FRMPD4: variants seen among roughly 807,000 people sequenced by gnomAD.
FRMPD4 encodes FERM and PDZ domain containing 4, also known as FERM and PDZ domain-containing protein 4.
A neutral mutation model predicts 94.1 loss-of-function variants in FRMPD4; 22 were observed. The ratio of observed to expected loss-of-function variants is 0.23; its 90% CI spans 0.17 to 0.33. The LOEUF (loss-of-function observed/expected upper bound fraction) is 0.33, where lower values mean the gene tolerates loss of function less well. FRMPD4 is among the 10% of genes least tolerant of loss of function. FRMPD4 has a pLI of 1.00. For missense variants in FRMPD4, 1,111 were observed against 1,339.9 expected, an observed-to-expected ratio of 0.83 and a Z score of 2.67; for synonymous variants, 631 against 548.6, an observed-to-expected ratio of 1.15 and a Z score of -2.10.
At chrX:12,700,203 G>T (rs2060175077) in intron 9 of FRMPD4, among the ~76,000 whole-genome samples, 2 of 111,812 alleles carry the variant, frequency 1.8e-5, no homozygotes, top group African/African-American at 3.2e-5. Flanking sequence ...AAACAGGAGG[G>T]CAGGAGAAGG....
chrX:12,520,629 C>T (rs2058152193), intron 2 of FRMPD4, among the ~76,000 whole-genome samples: 1 of 112,036 alleles, frequency 8.9e-6, no homozygotes, highest in Non-Finnish European at 1.9e-5. Flanking sequence ...GCTCTCTTCA[C>T]TTTGCCTTAC....
chrX:12,076,102 C>T (rs1970491276), intron 3 of FRMPD4, among the ~76,000 whole-genome samples: 1 of 111,521 alleles, frequency 9.0e-6, no homozygotes, highest in South Asian at 3.8e-4. Flanking sequence ...GGAATAGACA[C>T]TTGGGGTAGA....
At chrX:12,485,866 G>A (rs751906476) in intron 1 of FRMPD4, among the ~76,000 whole-genome samples, 5 of 109,492 alleles carry the variant, frequency 4.6e-5, no homozygotes, top group Non-Finnish European at 7.6e-5. Context: ...CCAAGATGGC[G>A]CCATTGCACT....
chrX:12,313,012 G>C, intron 1 of FRMPD4, among the ~76,000 whole-genome samples: 1 of 111,639 alleles, frequency 9.0e-6, no homozygotes, highest in Non-Finnish European at 1.9e-5. Flanking sequence ...TCATCCAGTA[G>C]ACCATGTCTC....
intron 3 of FRMPD4, among the ~76,000 whole-genome samples, chrX:11,947,141 G>A (rs753291974): frequency 9.0e-6 from 1 of 111,714 alleles, no homozygotes; most frequent in African/African-American, 3.2e-5. Flanking sequence ...TGGATTTGGG[G>A]GATTTTTGTT....
intron 1 of FRMPD4, among the ~76,000 whole-genome samples, chrX:12,139,558 G>A (rs867168950): frequency 2.8e-5 from 3 of 107,928 alleles, no homozygotes; most frequent in African/African-American, 1.0e-4. Flanking sequence ...TTTTGGGGGG[G>A]GGGTAACTAT....
At chrX:12,702,449 C>A (rs1305029615) in intron 10 of FRMPD4, among the ~76,000 whole-genome samples, 1 of 111,871 alleles carries the variant, frequency 8.9e-6, no homozygotes, top group Non-Finnish European at 1.9e-5. Context: ...GGCAGTGGGA[C>A]TCCCCGTTGT....
At chrX:12,207,159 A>G (rs1431543547) in intron 1 of FRMPD4, among the ~76,000 whole-genome samples, 2 of 112,012 alleles carry the variant, frequency 1.8e-5, no homozygotes, top group Non-Finnish European at 3.8e-5. Flanking sequence ...GGAGAGAGCT[A>G]TACCTTGTAG....
chrX:11,845,947 G>T (rs2053573821), intron 1 of FRMPD4, among the ~76,000 whole-genome samples: 1 of 106,374 alleles, frequency 9.4e-6, no homozygotes, highest in Non-Finnish European at 1.9e-5. Context: ...AAAACTGGAA[G>T]CATTCCCTAT....
chrX:12,030,116 C>A (rs185583296), intron 3 of FRMPD4, among the ~76,000 whole-genome samples: 41 of 112,264 alleles, frequency 3.7e-4, no homozygotes, highest in African/African-American at 1.3e-3. Context: ...ACGCTAAAAA[C>A]CAGTCTAACT....
At chrX:12,463,482 G>A (rs146355891) in intron 1 of FRMPD4, among the ~76,000 whole-genome samples, 1 of 111,227 alleles carries the variant, frequency 9.0e-6, no homozygotes, top group East Asian at 2.8e-4. Context: ...GAATATAAAG[G>A]TTATGCAATT....
rs1183441693 is a variant in FRMPD4 at position 12,718,497 on chromosome X, C to T, written c.3671C>T (p.Thr1224Ile). 3.3e-6 allele frequency: 4 copies of T among 1,204,552 alleles called. No homozygotes were observed. Among genetic ancestry groups the T allele is most frequent in the Non-Finnish European group, 4.5e-6 (4 of 890,064 alleles). Residue 1224 changes from threonine (T) to isoleucine (I), a missense_variant, in exon 16 of 17, where the codon ACA becomes ATA. Coordinates refer to ENST00000675598, the MANE Select transcript of FRMPD4 (RefSeq NM_001368397.1). Reference sequence around the variant, plus strand: ...TCTTCAGTGGATGCAGGCTGTGGCACAGGCAGCAGTGGCAGTGCCTGTGCC... The same window carrying T: ...TCTTCAGTGGATGCAGGCTGTGGCATAGGCAGCAGTGGCAGTGCCTGTGCC... ...QGSSVDAGCG[T>I]GSSGSACATP...
intron 3 of FRMPD4, among the ~76,000 whole-genome samples, chrX:11,893,520 C>T (rs2053886190): frequency 1.8e-5 from 2 of 111,870 alleles, no homozygotes; most frequent in Non-Finnish European, 3.8e-5. Flanking sequence ...GAAAATGTAT[C>T]TTGGCTATAA....
intron 2 of FRMPD4, among the ~76,000 whole-genome samples, chrX:12,546,077 T>C (rs2058472001): frequency 8.9e-6 from 1 of 112,456 alleles, no homozygotes; most frequent in African/African-American, 3.2e-5. Flanking sequence ...GTTGTCCAAA[T>C]TTTGGCATAT....
intron 1 of FRMPD4, among the ~76,000 whole-genome samples, chrX:12,155,581 CAAAAAAAAAAAA>C (rs60727413): frequency 4.1e-4 from 9 of 21,911 alleles, no homozygotes; most frequent in Non-Finnish European, 7.6e-4. Context: ...CATATCCTCA[CAAAAAAAAAAAA>C]AAAAAAAAAA....
At chrX:11,881,065 C>A (rs935708497) in intron 3 of FRMPD4, among the ~76,000 whole-genome samples, 1 of 112,299 alleles carries the variant, frequency 8.9e-6, no homozygotes, top group African/African-American at 3.2e-5. Context: ...AAGATGAAGA[C>A]AAAGTTACAA....
chrX:12,247,085 A>T (rs945852604), intron 1 of FRMPD4, among the ~76,000 whole-genome samples: 1 of 111,487 alleles, frequency 9.0e-6, no homozygotes, highest in Non-Finnish European at 1.9e-5. Flanking sequence ...CCTTATTTCT[A>T]GAGCAAGGAT....
intron 1 of FRMPD4, among the ~76,000 whole-genome samples, chrX:12,438,956 C>A (rs2057102017): frequency 9.0e-6 from 1 of 111,077 alleles, no homozygotes; most frequent in Admixed American, 9.5e-5. Context: ...CACGTGTCTT[C>A]CGAGCAGAGG....
chrX:12,679,308 G>GT (rs201195935), intron 5 of FRMPD4, among the ~76,000 whole-genome samples: 12 of 111,518 alleles, frequency 1.1e-4, no homozygotes, highest in Non-Finnish European at 1.5e-4. Context: ...GGAAAAAGAA[G>GT]TTTTTTTTAT....
Sources: gnomAD v4.1 joint callset for allele counts (sites outside exome capture counted in the v4.1 genomes callset) on GRCh38, gnomAD v4.1.1 for gene constraint, MANE v1.5 for transcripts, NCBI Gene and HGNC (gene_info 2026-07-23, HGNC 2026-07-21) for gene names.